The following SASH1 variants were observed in gnomAD, a reference collection of about 807,000 sequenced individuals.
The protein encoded by SASH1 is SAM and SH3 domain-containing protein 1.
In SASH1, 44 loss-of-function variants were observed where a neutral mutation model predicts 125.2. That is an observed-to-expected ratio of 0.35 (90% CI 0.28 to 0.45). The LOEUF is 0.45. Among genes scored for constraint, SASH1 ranks in the 20% least tolerant of loss-of-function variants. The pLI, the probability that SASH1 is intolerant of heterozygous loss-of-function variation, is 1.00. For missense variants in SASH1, 1,426 were observed against 1,614.5 expected, an observed-to-expected ratio of 0.88 and a Z score of 2.00; for synonymous variants, 639 against 649.1, an observed-to-expected ratio of 0.98 and a Z score of 0.24.
At chr6:148,275,108 T>C (rs1376303214) in intron 1 of SASH1, among the ~76,000 whole-genome samples, 1 of 152,220 alleles carries the variant, frequency 6.6e-6, no homozygotes, top group East Asian at 1.9e-4. Context: ...GCTCCAGCTC[T>C]ACTCCTGAAT....
the SASH1 span, among the ~76,000 whole-genome samples, chr6:148,194,429 A>T: frequency 2.0e-5 from 3 of 152,212 alleles, no homozygotes; most frequent in African/African-American, 4.8e-5. Context: ...GGAAATAGAA[A>T]ATTCTGTTGC....
intron 4 of SASH1, among the ~76,000 whole-genome samples, chr6:148,456,441 C>T (rs900329644): frequency 4.6e-5 from 7 of 152,230 alleles, no homozygotes; most frequent in Non-Finnish European, 1.0e-4. Flanking sequence ...CCAGCCTCAG[C>T]CACATTTCCC....
chr6:148,387,905 A>ATTTTTTTTT (rs71004291), intron 1 of SASH1, among the ~76,000 whole-genome samples: 3 of 53,962 alleles, frequency 5.6e-5, no homozygotes, highest in Non-Finnish European at 9.6e-5. Context: ...CGCCCTGCTA[A>ATTTTTTTTT]TTTTTTTTTT....
upstream of SASH1, among the ~76,000 whole-genome samples, chr6:148,268,790 G>A (rs1224354889): frequency 6.6e-6 from 1 of 152,166 alleles, no homozygotes; most frequent in Non-Finnish European, 1.5e-5. Context: ...TTATTTCTAA[G>A]CTTTTTAAGA....
chr6:148,297,730 T>C (rs1009701954), intron 1 of SASH1, among the ~76,000 whole-genome samples: 2 of 151,996 alleles, frequency 1.3e-5, no homozygotes, highest in Admixed American at 1.3e-4. Context: ...CTCAGGAGGC[T>C]GAGGCAGGAG....
intron 1 of SASH1, among the ~76,000 whole-genome samples, chr6:148,383,372 G>T (rs892260988): frequency 1.3e-5 from 2 of 151,900 alleles, no homozygotes; most frequent in African/African-American, 4.8e-5. Flanking sequence ...TTCAAACAAG[G>T]AGCAATGTAA....
At chr6:148,421,175 AAG>A (rs1785070690) in intron 2 of SASH1, among the ~76,000 whole-genome samples, 1 of 147,248 alleles carries the variant, frequency 6.8e-6, no homozygotes, top group South Asian at 2.1e-4. Context: ...GAAAGAAAGA[AAG>A]AAAGAAAGAA....
the SASH1 span, among the ~76,000 whole-genome samples, chr6:148,211,622 G>T: frequency 6.6e-6 from 1 of 151,828 alleles, no homozygotes; most frequent in Non-Finnish European, 1.5e-5. Context: ...ATTTATTGGG[G>T]CATTTATATA....
At chr6:148,200,400 T>G in the SASH1 span, among the ~76,000 whole-genome samples, 4,752 of 152,300 alleles carry the variant, frequency 0.031, 117 homozygotes, top group South Asian at 0.064. Flanking sequence ...AGCAGTGCTG[T>G]GATCTCTGCA....
chr6:148,445,918 A>G (rs1776749378), intron 4 of SASH1, among the ~76,000 whole-genome samples: 1 of 152,038 alleles, frequency 6.6e-6, no homozygotes, highest in South Asian at 2.1e-4. Flanking sequence ...GTTTGAAGGC[A>G]GGGGCATATA....
chr6:148,316,815 T>C (rs1780490330), intron 1 of SASH1, among the ~76,000 whole-genome samples: 1 of 152,198 alleles, frequency 6.6e-6, no homozygotes, highest in Non-Finnish European at 1.5e-5. Flanking sequence ...GTGCCTCAGC[T>C]CTGGTATGTC....
chr6:148,547,091 T>TTTTC (rs1338904270), intron 19 of SASH1, among the ~76,000 whole-genome samples: 14 of 150,898 alleles, frequency 9.3e-5, no homozygotes, highest in African/African-American at 3.5e-4. Flanking sequence ...ATACAATTTT[T>TTTTC]TTTCTTTTCT....
chr6:148,382,314 C>T (rs951628661), intron 1 of SASH1, among the ~76,000 whole-genome samples: 3 of 152,016 alleles, frequency 2.0e-5, no homozygotes, highest in South Asian at 2.1e-4. Flanking sequence ...AAGAGTGTGA[C>T]GGTCTCGCTC....
At chr6:148,398,217 A>C (rs911212654) in intron 2 of SASH1, among the ~76,000 whole-genome samples, 2 of 152,184 alleles carry the variant, frequency 1.3e-5, no homozygotes, top group Non-Finnish European at 1.5e-5. Flanking sequence ...ATAAAGTAGA[A>C]TATTCCGATT....
intron 1 of SASH1, among the ~76,000 whole-genome samples, chr6:148,348,936 C>T (rs912317962): frequency 6.6e-6 from 1 of 152,254 alleles, no homozygotes. Context: ...AGGATCCCTT[C>T]ACTCAGGATC....
At chr6:148,201,671 G>T in the SASH1 span, among the ~76,000 whole-genome samples, 4 of 152,282 alleles carry the variant, frequency 2.6e-5, no homozygotes, top group Admixed American at 6.5e-5. Flanking sequence ...CTGCTCTGGG[G>T]TGCCCAGAAG....
At chr6:148,281,846 C>T (rs539266359) in intron 1 of SASH1, among the ~76,000 whole-genome samples, 10 of 151,692 alleles carry the variant, frequency 6.6e-5, no homozygotes, top group Admixed American at 2.6e-4. Flanking sequence ...TTGCTTGAAC[C>T]GGGAGGTGGA....
At chr6:148,257,871 C>T in the SASH1 span, among the ~76,000 whole-genome samples, 5 of 152,060 alleles carry the variant, frequency 3.3e-5, no homozygotes, top group East Asian at 1.9e-4. Flanking sequence ...CCCTGTGATC[C>T]GCCCACCTTG....
chr6:148,482,071 T>C (rs1778649446), intron 7 of SASH1, among the ~76,000 whole-genome samples: 1 of 152,196 alleles, frequency 6.6e-6, no homozygotes, highest in Non-Finnish European at 1.5e-5. Context: ...AGAAAGCCCA[T>C]ACTTGGAAGC....
Sources: gnomAD v4.1 joint callset for allele counts (sites outside exome capture counted in the v4.1 genomes callset) on GRCh38, gnomAD v4.1.1 for gene constraint, MANE v1.5 for transcripts, NCBI Gene and HGNC (gene_info 2026-07-23, HGNC 2026-07-21) for gene names.